The following CENPO variants were observed in gnomAD, a reference collection of about 807,000 sequenced individuals.
CENPO encodes the protein centromere protein O.
A neutral mutation model predicts 36.1 loss-of-function variants in CENPO; 30 were observed. That is an observed-to-expected ratio of 0.83 (90% CI 0.62 to 1.13). The LOEUF (loss-of-function observed/expected upper bound fraction) is 1.13, where lower values mean the gene tolerates loss of function less well. Ranked by LOEUF, CENPO falls within the 50% of genes most tolerant of loss-of-function variation. The pLI, the probability that CENPO is intolerant of heterozygous loss-of-function variation, is 0.00. For synonymous variants in CENPO, 171 were observed against 142.3 expected (o/e 1.20, Z -1.44); for missense variants, 349 against 357.8 (o/e 0.98, Z 0.20).
rs1025762396 is a variant in CENPO, at chr2:24,819,251, G to A, written c.*36-103G>A. ...ATTCTCTTAAAGCAGTAGCAAAGGC[G>A]ACTGTAGCAAGAGCTCAAAAGGCAA... On this transcript the variant is annotated intron_variant, in intron 7 of 7. Transcript: ENST00000380834. 4 of 152,734 alleles carry A rather than the reference G, an allele frequency of 2.6e-5. No individual in the cohort carries two copies. In the East Asian group the frequency reaches 7.7e-4, roughly 29 times the overall value. 9.5% of individuals were successfully genotyped at this position (152,734 alleles called of 1,614,324 possible).
chr2:24,813,372 C>CT (rs1666789947), intron 3 of CENPO, among the ~76,000 whole-genome samples: 1 of 152,148 alleles, frequency 6.6e-6, no homozygotes, highest in African/African-American at 2.4e-5. Context: ...TTGAGGTGGT[C>CT]TATTTCCGGT....
intron 2 of CENPO, among the ~76,000 whole-genome samples, chr2:24,799,272 A>T (rs1253469369): frequency 1.3e-5 from 2 of 152,136 alleles, no homozygotes. Context: ...TGCTAAGATT[A>T]CAAGTGTGAG....
chr2:24,796,081 C>T (rs1472782345), intron 2 of CENPO, among the ~76,000 whole-genome samples: 1 of 151,744 alleles, frequency 6.6e-6, no homozygotes, highest in African/African-American at 2.4e-5. Flanking sequence ...GTTGGCCGGG[C>T]GCGGTGGCTC....
At chr2:24,813,550 G>A (rs1447452675) in intron 3 of CENPO, among the ~76,000 whole-genome samples, 2 of 151,972 alleles carry the variant, frequency 1.3e-5, no homozygotes, top group African/African-American at 2.4e-5. Context: ...GCTTCTTTCC[G>A]TTTGGTTTCT....
At chr2:24,800,921 G>GAACTAGTTT (rs1470760853) in intron 3 of CENPO, among the ~76,000 whole-genome samples, 1 of 152,130 alleles carries the variant, frequency 6.6e-6, no homozygotes, top group Non-Finnish European at 1.5e-5. Context: ...CACAATGGTG[G>GAACTAGTTT]AACTAGTTTA....
At chr2:24,814,305 C>T in intron 3 of CENPO, 71 bp from the exon 4 acceptor site, 1 of 791,432 alleles carries the variant, frequency 1.3e-6, no homozygotes, top group Non-Finnish European at 2.3e-6. Context: ...AGCTTTCATC[C>T]AGTTGGGGGA....
chr2:24,815,836 GT>G, intron 5 of CENPO, 80 bp downstream of exon 5: 4 of 1,360,044 alleles, frequency 2.9e-6, no homozygotes, highest in Admixed American at 2.0e-5. Flanking sequence ...TATTTTCAGT[GT>G]TTCCTAACTG....
chr2:24,799,744 A>G lies in CENPO; in HGVS notation c.116A>G (p.Gln39Arg), dbSNP rs1322959712. The change falls in exon 3 of 8, where the codon CAG becomes CGG. Residue 39 changes from glutamine to arginine, a missense_variant. Coordinates refer to ENST00000380834, the MANE Select transcript of CENPO (RefSeq NM_001322101.2). ...TCCCGTAAACAGTCTGAAGAGCTGC[A>G]GAGCGTGCAGGCCCAGGAAGGTGCT... ...SRSRKQSEELQSVQAQEGALG... is the reference protein window; with the variant it reads ...SRSRKQSEELRSVQAQEGALG... The G allele has an allele frequency of 6.2e-7, 1 of 1,614,150 alleles. No homozygotes were observed. Among genetic ancestry groups the G allele is most frequent in the East Asian group, 2.2e-5 (1 of 44,884 alleles).
Position 24,820,275 on chromosome 2 carries a change from G to T in CENPO, c.*957G>T. ...AGGGCCAAGCCCTTCCACCCGTGGCGAGCAGCGGGTGGGAAGGAGAACCCT... is the reference window on the plus strand; with the variant it reads ...AGGGCCAAGCCCTTCCACCCGTGGCTAGCAGCGGGTGGGAAGGAGAACCCT... On this transcript the variant is annotated 3_prime_UTR_variant, in exon 8 of 8. Coordinates refer to ENST00000380834, the MANE Select transcript of CENPO (RefSeq NM_001322101.2). The T allele has an allele frequency of 1.6e-6, 2 of 1,218,544 alleles. No homozygotes were observed. Among genetic ancestry groups the T allele is most frequent in the Non-Finnish European group, 1.1e-6 (1 of 933,416 alleles). 75.5% of individuals were successfully genotyped at this position (1,218,544 alleles called of 1,614,324 possible). A position where few individuals can be genotyped will look rare whatever the true frequency, so the allele number is the denominator to read the frequency against.
rs1209418900 is a variant in CENPO at position 24,819,774 on chromosome 2, C to G, written c.*456C>G. The G allele has an allele frequency of 2.6e-6, 2 of 762,524 alleles. No homozygotes were observed. The highest frequency in any genetic ancestry group is 4.2e-6 in the Non-Finnish European group (2 of 473,986). The allele number at this position is 762,524 out of a possible 1,614,324, so 47.2% of individuals were successfully genotyped here. ...GCACACACAGGAATAGCAGGGCCAC[C>G]CTCAGAGCTCACACATCCACGAACA... On this transcript the variant is annotated 3_prime_UTR_variant, in exon 8 of 8. Transcript: ENST00000380834.
intron 3 of CENPO, among the ~76,000 whole-genome samples, chr2:24,807,503 T>G (rs1476596064): frequency 6.6e-6 from 1 of 152,268 alleles, no homozygotes; most frequent in Non-Finnish European, 1.5e-5. Context: ...TTCTATTTTA[T>G]GAGTATACTA....
chr2:24,805,704 A>G (rs897384760), intron 3 of CENPO, among the ~76,000 whole-genome samples: 30 of 152,112 alleles, frequency 2.0e-4, no homozygotes, highest in African/African-American at 7.2e-4. Context: ...TCAGAGGAGT[A>G]CCCAGCTGTG....
chr2:24,805,371 G>A (rs1233422638), intron 3 of CENPO, among the ~76,000 whole-genome samples: 1 of 152,238 alleles, frequency 6.6e-6, no homozygotes, highest in African/African-American at 2.4e-5. Context: ...CTGGTGAGGA[G>A]CTGCGTTCCT....
chr2:24,820,434 C>A lies in CENPO; in HGVS notation c.*1116C>A. 1 of 1,322,138 alleles carries A rather than the reference C, an allele frequency of 7.6e-7. No homozygotes were observed. The highest frequency in any genetic ancestry group is 2.1e-5 in the South Asian group (1 of 47,124). 81.9% of individuals were successfully genotyped at this position (1,322,138 alleles called of 1,614,324 possible). On this transcript the variant is annotated 3_prime_UTR_variant, in exon 8 of 8. Coordinates refer to ENST00000380834, the MANE Select transcript of CENPO (RefSeq NM_001322101.2). ...CTGTCCCTTTGCCCCTTTCGTGGAG[C>A]TTTTCTGCCAGACGCCACTGAGACA... is the stretch of plus-strand genomic sequence containing the variant.
In CENPO at chr2:24,816,900, T is replaced by C. The variant is rs1666959823; in HGVS notation, c.766+83T>C. On this transcript the variant is annotated intron_variant, in intron 6 of 7. Coordinates refer to ENST00000380834, the MANE Select transcript of CENPO (RefSeq NM_001322101.2). Reference sequence around the variant, plus strand: ...GGGAAAATAGGTAGAATCCATGAAGTAGACCTCTTGAGACACTTTCTCTGT... The same window carrying C: ...GGGAAAATAGGTAGAATCCATGAAGCAGACCTCTTGAGACACTTTCTCTGT... 2.3e-6 allele frequency: 3 copies of C among 1,331,098 alleles called. No homozygotes were observed. In the African/African-American group the frequency reaches 4.4e-5, roughly 20 times the overall value. 82.5% of individuals were successfully genotyped at this position (1,331,098 alleles called of 1,614,324 possible).
intron 3 of CENPO, among the ~76,000 whole-genome samples, chr2:24,813,974 A>G (rs1417909614): frequency 8.5e-5 from 13 of 152,162 alleles, no homozygotes; most frequent in Admixed American, 8.5e-4. Flanking sequence ...GCTGGGCCAT[A>G]GCTAGCAGCG....
intron 3 of CENPO, among the ~76,000 whole-genome samples, chr2:24,811,730 G>T (rs1029211156): frequency 7.2e-5 from 11 of 152,118 alleles, no homozygotes; most frequent in African/African-American, 2.7e-4. Context: ...TAAAATGCTG[G>T]GATTACAGGC....
rs181101469 is a variant in CENPO, at chr2:24,793,621, A to T, written c.-69+120A>T. The T allele has an allele frequency of 2.2e-5, 32 of 1,424,444 alleles. No homozygotes were observed. The East Asian group carries it at 6.0e-4, about 27-fold the overall frequency. 88.2% of individuals were successfully genotyped at this position (1,424,444 alleles called of 1,614,324 possible). On this transcript the variant is annotated intron_variant, in intron 1 of 7. Coordinates refer to ENST00000380834, the MANE Select transcript of CENPO (RefSeq NM_001322101.2). ...GTGGCCGGGAAGCCCGCTGGACCAGAGTAGCCGTGGCCTCGGGAGCGCGCC... is the reference window on the plus strand; with the variant it reads ...GTGGCCGGGAAGCCCGCTGGACCAGTGTAGCCGTGGCCTCGGGAGCGCGCC...
chr2:24,820,060 G>A lies in CENPO; in HGVS notation c.*742G>A, dbSNP rs746113754. 9 of 1,592,670 alleles carry A rather than the reference G, an allele frequency of 5.7e-6. No individual in the cohort carries two copies. The highest frequency in any genetic ancestry group is 7.7e-6 in the Non-Finnish European group (9 of 1,169,988). On this transcript the variant is annotated 3_prime_UTR_variant, in exon 8 of 8. Transcript: ENST00000380834. Reference sequence around the variant, plus strand: ...TTCCCCTTCACAAAGATGGGGCCTCGCCTCACAAAGCGGAAGCCGTACTCT... The same window carrying A: ...TTCCCCTTCACAAAGATGGGGCCTCACCTCACAAAGCGGAAGCCGTACTCT...
Sources: allele counts gnomAD v4.1 joint callset (sites outside exome capture counted in the v4.1 genomes callset), GRCh38; gene constraint gnomAD v4.1.1; transcripts MANE v1.5; gene names NCBI Gene and HGNC (gene_info 2026-07-23, HGNC 2026-07-21).